The following FOXN3 variants were observed in gnomAD, a reference collection of about 807,000 sequenced individuals.
FOXN3 encodes forkhead box protein N3.
FOXN3 carries 7 observed loss-of-function variants against 38.4 expected under a neutral mutation model. The ratio of observed to expected loss-of-function variants is 0.18; its 90% CI spans 0.10 to 0.34. FOXN3 has a LOEUF of 0.34. Ranked by LOEUF, FOXN3 falls within the 10% of genes least tolerant of loss-of-function variation. The probability of loss-of-function intolerance (pLI) is 1.00; values close to 1 mark genes in which losing one functional copy is unlikely to be tolerated. For synonymous variants in FOXN3, 230 were observed against 242.2 expected, an observed-to-expected ratio of 0.95 and a Z score of 0.47; for missense variants, 456 against 613.4, an observed-to-expected ratio of 0.74 and a Z score of 2.71.
chr14:89,609,878 T>A (rs1896355358), intron 1 of FOXN3, among the ~76,000 whole-genome samples: 2 of 151,624 alleles, frequency 1.3e-5, no homozygotes, highest in Non-Finnish European at 2.9e-5. Flanking sequence ...TAGATACATG[T>A]GATGTAAAAC....
intron 1 of FOXN3, among the ~76,000 whole-genome samples, chr14:89,545,377 T>C (rs1894864648): frequency 6.6e-6 from 1 of 152,174 alleles, no homozygotes; most frequent in Non-Finnish European, 1.5e-5. Context: ...AGACGAGCAA[T>C]CGTGCCCACA....
chr14:89,179,713 T>A (rs1244876359), intron 5 of FOXN3, among the ~76,000 whole-genome samples: 1 of 152,060 alleles, frequency 6.6e-6, no homozygotes, highest in Admixed American at 6.6e-5. Flanking sequence ...GCTAATCGGT[T>A]CACGGCAAAG....
chr14:89,441,783 T>A (rs1307817959), intron 1 of FOXN3, among the ~76,000 whole-genome samples: 1 of 152,144 alleles, frequency 6.6e-6, no homozygotes, highest in South Asian at 2.1e-4. Flanking sequence ...GAAGTTGGGA[T>A]CCTGGAGGGT....
At chr14:89,612,387 T>A (rs1263567811) in intron 1 of FOXN3, among the ~76,000 whole-genome samples, 1 of 152,150 alleles carries the variant, frequency 6.6e-6, no homozygotes, top group South Asian at 2.1e-4. Context: ...AGAAAAAACA[T>A]GATGGTCTTA....
intron 3 of FOXN3, among the ~76,000 whole-genome samples, chr14:89,337,357 A>G (rs1270329715): frequency 1.3e-5 from 2 of 152,118 alleles, no homozygotes; most frequent in Non-Finnish European, 2.9e-5. Context: ...AATGTAGGGG[A>G]AAAAAACTAA....
At chr14:89,346,007 C>T (rs781720806) in intron 3 of FOXN3, among the ~76,000 whole-genome samples, 6 of 152,184 alleles carry the variant, frequency 3.9e-5, no homozygotes, top group East Asian at 1.9e-4. Context: ...GAGCCGAGAT[C>T]GCGGCACTGC....
At chr14:89,311,150 T>C (rs1189073801) in intron 3 of FOXN3, among the ~76,000 whole-genome samples, 24 of 147,938 alleles carry the variant, frequency 1.6e-4, no homozygotes, top group Non-Finnish European at 5.9e-5. Flanking sequence ...AAATCTTATA[T>C]CTTTTAAAAA....
intron 2 of FOXN3, among the ~76,000 whole-genome samples, chr14:89,408,581 G>A (rs1891452596): frequency 6.7e-6 from 1 of 149,212 alleles, no homozygotes. Context: ...TGCCACAGGT[G>A]ATGTAATCTA....
intron 1 of FOXN3, among the ~76,000 whole-genome samples, chr14:89,469,902 GTTGGTCGCCACGGGCTTCCAC>G (rs1893056392): frequency 6.6e-6 from 1 of 152,250 alleles, no homozygotes; most frequent in Non-Finnish European, 1.5e-5. Flanking sequence ...ATGTCAGCGA[GTTGGTCGCCACGGGCTTCCAC>G]GCAGGTGCGT....
At chr14:89,305,152 G>A (rs186128740) in intron 3 of FOXN3, among the ~76,000 whole-genome samples, 1 of 152,206 alleles carries the variant, frequency 6.6e-6, no homozygotes, top group Admixed American at 6.5e-5. Context: ...GATCACACAG[G>A]CCGGGTGCTG....
At position 89,157,351 on chromosome 14, in the gene FOXN3, C is replaced by A. The variant is rs1887003772; in HGVS notation, c.*5063G>T. ...GAACTGTGGAAGAACTGCAAGGTCA[C>A]ACACATTATTCATGATAAAGCAACC... On this transcript the variant is annotated 3_prime_UTR_variant, in exon 6 of 6. Transcript: ENST00000557258. The A allele has an allele frequency of 6.6e-6, 1 of 152,644 alleles. No homozygotes were observed. The highest frequency in any genetic ancestry group is 6.5e-5 in the Admixed American group (1 of 15,282). 9.5% of individuals were successfully genotyped at this position (152,644 alleles called of 1,614,324 possible).
chr14:89,216,545 T>C (rs1405635080), intron 4 of FOXN3, among the ~76,000 whole-genome samples: 4 of 152,132 alleles, frequency 2.6e-5, no homozygotes, highest in African/African-American at 9.7e-5. Flanking sequence ...CCCACTCTCC[T>C]CATGGGACCA....
intron 1 of FOXN3, among the ~76,000 whole-genome samples, chr14:89,533,422 G>C (rs1230884649): frequency 1.3e-5 from 2 of 152,146 alleles, no homozygotes; most frequent in East Asian, 1.9e-4. Flanking sequence ...CTAGCACTTT[G>C]GGAGACCCAG....
chr14:89,190,511 T>TC, intron 4 of FOXN3: 1 of 1,385,194 alleles, frequency 7.2e-7, no homozygotes, highest in East Asian at 2.4e-5. Flanking sequence ...TGTGTGTTTT[T>TC]CCCCCTGCAA....
chr14:89,425,158 G>A (rs894542409), intron 1 of FOXN3, among the ~76,000 whole-genome samples: 12 of 140,840 alleles, frequency 8.5e-5, no homozygotes, highest in Admixed American at 2.4e-4. Context: ...TCTGCCTCCC[G>A]GGTCCTGGTT....
intron 4 of FOXN3, among the ~76,000 whole-genome samples, chr14:89,209,109 G>T (rs1888457399): frequency 6.6e-6 from 1 of 152,194 alleles, no homozygotes; most frequent in African/African-American, 2.4e-5. Flanking sequence ...GGACTCACTG[G>T]ATATTCCATA....
chr14:89,422,573 C>T (rs1244954516), intron 1 of FOXN3, among the ~76,000 whole-genome samples: 1 of 152,208 alleles, frequency 6.6e-6, no homozygotes, highest in Non-Finnish European at 1.5e-5. Flanking sequence ...TCTGAGAACG[C>T]TGTTTGTAAG....
intron 4 of FOXN3, among the ~76,000 whole-genome samples, chr14:89,234,531 ATGGT>A (rs1596121157): frequency 1.3e-5 from 2 of 152,010 alleles, no homozygotes; most frequent in African/African-American, 4.8e-5. Flanking sequence ...TCCCTCATGA[ATGGT>A]TGAACACCAT....
chr14:89,221,466 T>C (rs551800585), intron 4 of FOXN3, among the ~76,000 whole-genome samples: 57 of 152,366 alleles, frequency 3.7e-4, no homozygotes, highest in African/African-American at 4.8e-4. Context: ...CCTTTACCTT[T>C]GGTTACAGTC....
Sources: allele counts gnomAD v4.1 joint callset (sites outside exome capture counted in the v4.1 genomes callset), GRCh38; gene constraint gnomAD v4.1.1; transcripts MANE v1.5; gene names NCBI Gene and HGNC (gene_info 2026-07-23, HGNC 2026-07-21).